The following SLC25A18 variants were observed in gnomAD, a reference collection of about 807,000 sequenced individuals.
SLC25A18 encodes the protein solute carrier family 25 member 18, also known as mitochondrial glutamate carrier 2.
A neutral mutation model predicts 31.1 loss-of-function variants in SLC25A18; 24 were observed. That is an observed-to-expected ratio of 0.77 (90% CI 0.56 to 1.08). SLC25A18 has a LOEUF of 1.08. Among genes scored for constraint, SLC25A18 ranks in the 50% least tolerant of loss-of-function variants. SLC25A18 has a pLI of 0.00. For missense variants in SLC25A18, 371 were observed against 418.5 expected, an observed-to-expected ratio of 0.89 and a Z score of 0.99; for synonymous variants, 173 against 161.9, an observed-to-expected ratio of 1.07 and a Z score of -0.52.
chr22:17,572,120 G>A (rs5992070), intron 2 of SLC25A18, among the ~76,000 whole-genome samples: 3,419 of 152,014 alleles, frequency 0.022, 118 homozygotes, highest in African/African-American at 0.078. Context: ...CTGGGAGGCA[G>A]GGGTTGCAGC....
intron 5 of SLC25A18, chr22:17,581,736 G>A (rs1363566729): frequency 3.0e-6 from 1 of 329,856 alleles, no homozygotes; most frequent in African/African-American, 2.1e-5. Context: ...CTCCTGGCAA[G>A]GAGTTCTGGG....
chr22:17,565,643 A>G (rs1346008087), intron 1 of SLC25A18, among the ~76,000 whole-genome samples: 2 of 151,258 alleles, frequency 1.3e-5, no homozygotes, highest in African/African-American at 4.9e-5. Flanking sequence ...CGAGGCAGGC[A>G]GATCACCTGA....
chr22:17,583,255 C>T (rs941671645), intron 6 of SLC25A18, among the ~76,000 whole-genome samples, 161 bp from the exon 7 acceptor site: 6 of 152,172 alleles, frequency 3.9e-5, no homozygotes, highest in East Asian at 1.9e-4. Flanking sequence ...GTCCCCTGTC[C>T]GTACAGAGAC....
chr22:17,579,705 G>A (rs374272385), intron 2 of SLC25A18, 40 bp from the exon 3 acceptor site: 11 of 1,342,868 alleles, frequency 8.2e-6, no homozygotes, highest in East Asian at 5.6e-5. Flanking sequence ...GTGCGTCCTC[G>A]CCCATCTGTG....
At chr22:17,579,366 C>T (rs1164715018) in intron 2 of SLC25A18, among the ~76,000 whole-genome samples, 1 of 152,160 alleles carries the variant, frequency 6.6e-6, no homozygotes, top group Non-Finnish European at 1.5e-5. Flanking sequence ...GGATTACAGG[C>T]ATGAGCCACC....
intron 5 of SLC25A18, chr22:17,582,288 A>C (rs1449301206): frequency 8.5e-6 from 2 of 235,150 alleles, no homozygotes; most frequent in Non-Finnish European, 1.7e-5. Context: ...AGGCAGGAGA[A>C]TGGCGCGAAC....
intron 1 of SLC25A18, among the ~76,000 whole-genome samples, chr22:17,569,164 A>T (rs1215860961): frequency 6.6e-6 from 1 of 151,424 alleles, no homozygotes; most frequent in African/African-American, 2.4e-5. Flanking sequence ...GCCCGCCACC[A>T]CGCCCAGCTA....
Position 17,583,384 on chromosome 22 carries a change from C to A in SLC25A18, c.291-32C>A, listed in dbSNP as rs201632528. The A allele has an allele frequency of 1.3e-4, 207 of 1,612,772 alleles. No individual in the cohort carries two copies. In the East Asian group the frequency reaches 4.3e-3, roughly 33 times the overall value. ...TGCACCAGGGCAGGCCTGTGGCCTG[C>A]GGCTGAAGGAGCCTGACGCCTGTTC... On this transcript the variant is annotated intron_variant, in intron 6 of 10. Transcript: ENST00000327451.
chr22:17,576,202 A>G (rs1296813), intron 2 of SLC25A18, among the ~76,000 whole-genome samples: 22,687 of 151,982 alleles, frequency 0.15, 2,130 homozygotes, highest in Non-Finnish European at 0.21. Flanking sequence ...AAATACAAAA[A>G]TTAGCCATTC....
chr22:17,589,955 C>T, intron 10 of SLC25A18, 140 bp from the exon 11 acceptor site: 2 of 1,240,890 alleles, frequency 1.6e-6, no homozygotes, highest in South Asian at 1.4e-5. Context: ...CGAGGCACAG[C>T]TCCCACACCG....
Position 17,569,287 on chromosome 22 carries a change from C to T in SLC25A18, c.-263-637C>T, listed in dbSNP as rs940567051. On this transcript the variant is annotated intron_variant, in intron 1 of 10. Transcript: ENST00000327451. Reference sequence around the variant, plus strand: ...CCTCCCAAAGTGCTGGGATTACAGGCGTGAGCCACCGCGCCCAGCCCTCTT... The same window carrying T: ...CCTCCCAAAGTGCTGGGATTACAGGTGTGAGCCACCGCGCCCAGCCCTCTT... 3.9e-5 allele frequency among the ~76,000 whole-genome samples: 6 copies of T among 152,138 alleles called. No individual in the cohort carries two copies. In the East Asian group the frequency reaches 9.6e-4, roughly 24 times the overall value.
At chr22:17,579,606 T>G (rs1354335857) in intron 2 of SLC25A18, 139 bp from the exon 3 acceptor site, 1 of 518,850 alleles carries the variant, frequency 1.9e-6, no homozygotes, top group Non-Finnish European at 2.7e-6. Context: ...AGTCCAAAAG[T>G]TCGAGGATTC....
chr22:17,568,857 G>A (rs181042792), intron 1 of SLC25A18, among the ~76,000 whole-genome samples: 108 of 150,526 alleles, frequency 7.2e-4, no homozygotes, highest in African/African-American at 2.5e-3. Context: ...AACCGTGCCC[G>A]GCCTGTATAA....
chr22:17,588,050 T>C lies in SLC25A18; in HGVS notation c.701T>C (p.Ile234Thr), dbSNP rs540801267. The change falls in exon 9 of 11, where the codon ATA becomes ACA. Residue 234 changes from isoleucine to threonine, a missense_variant. Physicochemically the swap from Ile to Thr is moderately conservative, Grantham distance 89. Transcript: ENST00000327451. ...GTGTCAGGCTGTGTGGCAGGTTCCA[T>C]AGCTGCGGTCGCAGTGACGCCTCTA... Reference protein sequence around the residue: ...SFVSGCVAGSIAAVAVTPLDV... With the variant: ...SFVSGCVAGSTAAVAVTPLDV... 19 of 1,614,000 alleles carry C rather than the reference T, an allele frequency of 1.2e-5. No homozygotes were observed. The highest frequency in any genetic ancestry group is 1.5e-5 in the Non-Finnish European group (18 of 1,180,044).
intron 1 of SLC25A18, among the ~76,000 whole-genome samples, chr22:17,568,720 C>T (rs1202893070): frequency 1.3e-5 from 2 of 151,176 alleles, no homozygotes; most frequent in Non-Finnish European, 2.9e-5. Context: ...TGCCACCACG[C>T]CTGACTAATT....
intron 5 of SLC25A18, 95 bp from the exon 6 acceptor site, chr22:17,582,468 A>C (rs1047978454): frequency 1.0e-6 from 1 of 994,274 alleles, no homozygotes; most frequent in Non-Finnish European, 1.4e-6. Context: ...AATGCCCTTC[A>C]CTCAGGGACT....
chr22:17,587,251 C>T lies in SLC25A18; in HGVS notation c.525C>T (p.Arg175=). 2 of 1,614,040 alleles carry T rather than the reference C, an allele frequency of 1.2e-6. No individual in the cohort carries two copies. The highest frequency in any genetic ancestry group is 1.7e-6 in the Non-Finnish European group (2 of 1,180,038). Residue 175 remains arginine (R), a synonymous_variant, in exon 8 of 11, where the codon CGC becomes CGT. Coordinates refer to ENST00000327451, the MANE Select transcript of SLC25A18 (RefSeq NM_031481.3). ...CCCTCATTGCCTGGGAGCTGCTCCG[C>T]ACTCAGGGCCTGGCTGGGCTCTACA... is the stretch of plus-strand genomic sequence containing the variant. ...SATLIAWELL[R]TQGLAGLYRG...
chr22:17,580,856 G>C lies in SLC25A18; in HGVS notation c.21-181G>C, dbSNP rs367957304. On this transcript the variant is annotated intron_variant, in intron 3 of 10. Coordinates refer to ENST00000327451, the MANE Select transcript of SLC25A18 (RefSeq NM_031481.3). ...CGGGTTGCAGCAAGATGCCTCACCC[G>C]GGTGAGTGCGGCTGTCCTGTCTGGA... is the stretch of plus-strand genomic sequence containing the variant. The C allele has an allele frequency of 4.2e-4, 565 of 1,329,676 alleles. 1 individual carries two copies. In the African/African-American group the frequency reaches 7.7e-3, roughly 18 times the overall value. The allele number at this position is 1,329,676 out of a possible 1,614,324, so 82.4% of individuals were successfully genotyped here. A position where few individuals can be genotyped will look rare whatever the true frequency, so the allele number is the denominator to read the frequency against.
At chr22:17,588,141 A>ATCTAT in intron 9 of SLC25A18, 62 bp downstream of exon 9, 1 of 1,591,204 alleles carries the variant, frequency 6.3e-7, no homozygotes, top group Non-Finnish European at 8.6e-7. Context: ...CTTATAGATA[A>ATCTAT]AACAGCCTGA....
Sources: allele counts gnomAD v4.1 joint callset (sites outside exome capture counted in the v4.1 genomes callset), GRCh38; gene constraint gnomAD v4.1.1; transcripts MANE v1.5; gene names NCBI Gene and HGNC (gene_info 2026-07-23, HGNC 2026-07-21).